SAMD12: variants seen among roughly 807,000 people sequenced by gnomAD.
SAMD12 encodes the protein sterile alpha motif domain containing 12.
A neutral mutation model predicts 15.0 loss-of-function variants in SAMD12; 9 were observed. That is an observed-to-expected ratio of 0.60 (90% confidence interval 0.36 to 1.05). SAMD12 has a LOEUF of 1.05. SAMD12 is among the 50% of genes least tolerant of loss of function. The pLI, the probability that SAMD12 is intolerant of heterozygous loss-of-function variation, is 0.01. For synonymous variants in SAMD12, 86 were observed against 90.1 expected, an observed-to-expected ratio of 0.96 and a Z score of 0.25; for missense variants, 230 against 234.2, an observed-to-expected ratio of 0.98 and a Z score of 0.12.
At chr8:118,157,227 T>C in the SAMD12 span, among the ~76,000 whole-genome samples, 1 of 152,328 alleles carries the variant, frequency 6.6e-6, no homozygotes, top group South Asian at 2.1e-4. Context: ...ATGAAGTACA[T>C]GGCTTTGGAC....
intron 2 of SAMD12, 44 bp downstream of exon 2, chr8:118,580,671 G>C (rs751747854): frequency 8.3e-6 from 12 of 1,438,508 alleles, no homozygotes; most frequent in South Asian, 1.2e-5. Flanking sequence ...ACATATAAAG[G>C]CTGCAGCTTT....
chr8:118,332,698 T>C (rs1281775099), intron 4 of SAMD12, among the ~76,000 whole-genome samples: 3 of 152,238 alleles, frequency 2.0e-5, no homozygotes, highest in Admixed American at 6.5e-5. Context: ...GGGTTTACTG[T>C]TGACATTCCA....
At chr8:118,307,324 G>T (rs1815400753) in intron 4 of SAMD12, among the ~76,000 whole-genome samples, 1 of 152,238 alleles carries the variant, frequency 6.6e-6, no homozygotes. Flanking sequence ...TGTCTGAAAT[G>T]AAGATTCATA....
At chr8:118,180,245 G>A in the SAMD12 span, among the ~76,000 whole-genome samples, 1,099 of 152,324 alleles carry the variant, frequency 7.2e-3, 10 homozygotes, top group Non-Finnish European at 0.012. Flanking sequence ...GTGGCCAGGC[G>A]AGATGAGAGG....
At chr8:118,404,725 C>T (rs73709954) in intron 3 of SAMD12, among the ~76,000 whole-genome samples, 7,950 of 152,192 alleles carry the variant, frequency 0.052, 699 homozygotes, top group African/African-American at 0.18. Context: ...TTAACAAGCA[C>T]CATAAATGAG....
chr8:118,456,039 C>A (rs186906683), intron 2 of SAMD12, among the ~76,000 whole-genome samples: 3 of 152,202 alleles, frequency 2.0e-5, no homozygotes, highest in Non-Finnish European at 2.9e-5. Context: ...AATATGTAAA[C>A]CTGATTGGGT....
At chr8:118,147,421 C>G in the SAMD12 span, among the ~76,000 whole-genome samples, 1 of 146,972 alleles carries the variant, frequency 6.8e-6, no homozygotes, top group South Asian at 2.2e-4. Context: ...AGTGCAATGG[C>G]GCAATCTTGG....
At chr8:118,162,126 C>T in the SAMD12 span, among the ~76,000 whole-genome samples, 1 of 149,024 alleles carries the variant, frequency 6.7e-6, no homozygotes, top group Non-Finnish European at 1.5e-5. Flanking sequence ...CGCCACTGCA[C>T]TCCAGCCTGG....
intron 4 of SAMD12, among the ~76,000 whole-genome samples, chr8:118,318,725 A>G (rs1288193856): frequency 8.5e-5 from 13 of 152,106 alleles, no homozygotes. Flanking sequence ...TAAAAAAAAT[A>G]TTAAATTGCT....
At chr8:118,474,654 T>A (rs986765365) in intron 2 of SAMD12, among the ~76,000 whole-genome samples, 57 of 152,126 alleles carry the variant, frequency 3.7e-4, no homozygotes, top group African/African-American at 1.3e-3. Context: ...CCCAAAGTGC[T>A]GAGATTACAG....
chr8:118,449,059 A>G (rs1586726349), intron 2 of SAMD12, among the ~76,000 whole-genome samples: 2 of 129,900 alleles, frequency 1.5e-5, no homozygotes, highest in South Asian at 5.2e-4. Context: ...GGACACAGGC[A>G]GTCTTTTTTT....
At chr8:118,236,473 A>G (rs954947018) in intron 4 of SAMD12, among the ~76,000 whole-genome samples, 1 of 152,212 alleles carries the variant, frequency 6.6e-6, no homozygotes, top group Non-Finnish European at 1.5e-5. Flanking sequence ...AGGACGGGGC[A>G]ATTCAGGAAC....
At chr8:118,187,333 A>C (rs1819259210), downstream of SAMD12, among the ~76,000 whole-genome samples, 1 of 152,208 alleles carries the variant, frequency 6.6e-6, no homozygotes, top group African/African-American at 2.4e-5. Context: ...ACATACATCT[A>C]TATGCCTTAT....
the SAMD12 span, among the ~76,000 whole-genome samples, chr8:118,153,711 C>T: frequency 6.6e-6 from 1 of 152,270 alleles, no homozygotes; most frequent in Non-Finnish European, 1.5e-5. Context: ...CCAGAGGCTA[C>T]ACCATGGGTT....
intron 2 of SAMD12, among the ~76,000 whole-genome samples, chr8:118,452,365 T>C (rs1193629729): frequency 1.3e-5 from 2 of 152,068 alleles, no homozygotes; most frequent in African/African-American, 4.8e-5. Context: ...ACCACCAACA[T>C]AGTGAGAAGG....
chr8:118,376,973 T>A (rs1044997210), downstream of SAMD12, among the ~76,000 whole-genome samples: 41 of 145,570 alleles, frequency 2.8e-4, no homozygotes, highest in Non-Finnish European at 6.1e-5. Flanking sequence ...TAATCTGTCT[T>A]TACAACTTCT....
chr8:118,290,396 G>A (rs559571182), intron 4 of SAMD12, among the ~76,000 whole-genome samples: 9 of 152,084 alleles, frequency 5.9e-5, no homozygotes, highest in Non-Finnish European at 1.3e-4. Flanking sequence ...GTAGTGTGTT[G>A]GTCTTGAACC....
At chr8:118,596,913 T>C (rs1827737540) in intron 1 of SAMD12, among the ~76,000 whole-genome samples, 1 of 152,114 alleles carries the variant, frequency 6.6e-6, no homozygotes, top group South Asian at 2.1e-4. Flanking sequence ...GGCTTGTGTG[T>C]GGTGAGGAGA....
chr8:118,585,739 G>A (rs1213682936), intron 1 of SAMD12, among the ~76,000 whole-genome samples: 2 of 152,192 alleles, frequency 1.3e-5, no homozygotes, highest in Admixed American at 6.5e-5. Flanking sequence ...AGCAGGGCTT[G>A]GATTGCTGAT....
Sources: allele counts gnomAD v4.1 joint callset (sites outside exome capture counted in the v4.1 genomes callset), GRCh38; gene constraint gnomAD v4.1.1; transcripts MANE v1.5; gene names NCBI Gene and HGNC (gene_info 2026-07-23, HGNC 2026-07-21).